Variants in FGD4 observed in about 807,000 individuals in gnomAD.
FGD4 encodes FYVE, RhoGEF and PH domain-containing protein 4.
Under a neutral mutation model 102.0 loss-of-function variants are expected in FGD4, and 42 were observed. The ratio of observed to expected loss-of-function variants is 0.41; its 90% confidence interval spans 0.32 to 0.53. The LOEUF (loss-of-function observed/expected upper bound fraction) is 0.53, where lower values mean the gene tolerates loss of function less well. Ranked by LOEUF, FGD4 falls within the 20% of genes least tolerant of loss-of-function variation. The pLI is 0.21. For synonymous variants in FGD4, 380 were observed against 375.7 expected, an observed-to-expected ratio of 1.01 and a Z score of -0.13; for missense variants, 902 against 1,078.2, an observed-to-expected ratio of 0.84 and a Z score of 2.29.
intron 1 of FGD4, among the ~76,000 whole-genome samples, chr12:32,507,929 T>C (rs949779738): frequency 7.9e-5 from 12 of 152,208 alleles, no homozygotes; most frequent in African/African-American, 2.9e-4. Context: ...AGTGAAAGCT[T>C]GGTAGGACTA....
At chr12:32,497,366 T>C (rs2136603731) in intron 1 of FGD4, among the ~76,000 whole-genome samples, 1 of 152,290 alleles carries the variant, frequency 6.6e-6, no homozygotes, top group East Asian at 1.9e-4. Context: ...TGAAACGAAT[T>C]ATAAAAACCC....
chr12:32,497,936 T>C (rs959392161), intron 1 of FGD4, among the ~76,000 whole-genome samples: 3 of 152,222 alleles, frequency 2.0e-5, no homozygotes, highest in Non-Finnish European at 4.4e-5. Flanking sequence ...TCAGTGAGAC[T>C]CTCCTCTAAC....
intron 1 of FGD4, among the ~76,000 whole-genome samples, chr12:32,545,527 A>G (rs750292671): frequency 6.6e-6 from 1 of 152,262 alleles, no homozygotes; most frequent in Non-Finnish European, 1.5e-5. Flanking sequence ...CTACTAACAT[A>G]GTAAAAAGCA....
At chr12:32,635,198 C>T (rs954895703) in intron 15 of FGD4, among the ~76,000 whole-genome samples, 2 of 152,102 alleles carry the variant, frequency 1.3e-5, no homozygotes, top group African/African-American at 4.8e-5. Context: ...GTATGGCCTA[C>T]CAAACTGGGG....
rs770560590 is a variant in FGD4, at chr12:32,422,288, C to CTTTTTTTTTTTT, written c.166+22346_166+22357dup. 1.4e-3 allele frequency among the ~76,000 whole-genome samples: 75 copies of CTTTTTTTTTTTT among 54,172 alleles called. 16 individuals carry two copies. Among genetic ancestry groups the CTTTTTTTTTTTT allele is most frequent in the Non-Finnish European group, 1.5e-3 (45 of 30,240 alleles). The allele number at this position is 54,172 out of a possible 152,430, so 35.5% of individuals were successfully genotyped here. A position where few individuals can be genotyped will look rare whatever the true frequency, so the allele number is the denominator to read the frequency against. On this transcript the variant is annotated intron_variant, in intron 1 of 16. Coordinates refer to ENST00000534526, the MANE Select transcript of FGD4 (RefSeq NM_001370298.3). Reference sequence around the variant, plus strand: ...TTGAAGCATCTCAAATTGGGAGCTGCTTTTTTTTTTTTTTTTTTTTTTTTT... The same window carrying CTTTTTTTTTTTT: ...TTGAAGCATCTCAAATTGGGAGCTGCTTTTTTTTTTTTTTTTTTTTTTTTTTTTTTTTTTTTT...
chr12:32,561,237 C>A (rs1286078222), intron 1 of FGD4, among the ~76,000 whole-genome samples: 1 of 151,734 alleles, frequency 6.6e-6, no homozygotes, highest in Admixed American at 6.6e-5. Flanking sequence ...CAGGCGCCCA[C>A]CACCACATCT....
At chr12:32,554,187 A>G (rs966038109) in intron 1 of FGD4, among the ~76,000 whole-genome samples, 4 of 152,226 alleles carry the variant, frequency 2.6e-5, no homozygotes, top group Non-Finnish European at 4.4e-5. Flanking sequence ...GGAGAGTTCT[A>G]CAATTCCAGA....
intron 1 of FGD4, among the ~76,000 whole-genome samples, chr12:32,481,215 G>A (rs1943755280): frequency 6.7e-6 from 1 of 149,874 alleles, no homozygotes; most frequent in Non-Finnish European, 1.5e-5. Flanking sequence ...GATGCGGTTG[G>A]ATCATGAGGT....
At chr12:32,639,593 C>T (rs897692777) in intron 16 of FGD4, among the ~76,000 whole-genome samples, 3 of 152,108 alleles carry the variant, frequency 2.0e-5, no homozygotes, top group African/African-American at 7.2e-5. Context: ...GAGAACCCCA[C>T]GTATATGGAT....
rs2137119623 is a variant in FGD4 at position 32,643,880 on chromosome 12, A to C, written c.*3347A>C. 6.6e-6 allele frequency: 1 copy of C among 152,166 alleles called. No individual in the cohort carries two copies. The highest frequency in any genetic ancestry group is 2.1e-4 in the South Asian group (1 of 4,826). The allele number at this position is 152,166 out of a possible 1,614,324, so 9.4% of individuals were successfully genotyped here. A position where few individuals can be genotyped will look rare whatever the true frequency, so the allele number is the denominator to read the frequency against. ...TTTATTTGTTTTCTGGTTATATTCA[A>C]AGCCTTAAGTTCTTAATCTGAGCAT... is the stretch of plus-strand genomic sequence containing the variant. On this transcript the variant is annotated 3_prime_UTR_variant, in exon 17 of 17. Transcript: ENST00000534526.
chr12:32,539,526 G>A (rs1037371523), intron 1 of FGD4, among the ~76,000 whole-genome samples: 5 of 151,408 alleles, frequency 3.3e-5, no homozygotes, highest in East Asian at 1.9e-4. Flanking sequence ...CTGAGATCGC[G>A]CCATTGCACT....
chr12:32,627,122 C>T (rs1363012994), intron 14 of FGD4, among the ~76,000 whole-genome samples: 2 of 149,034 alleles, frequency 1.3e-5, no homozygotes, highest in Non-Finnish European at 3.0e-5. Context: ...TGCTGGGTTA[C>T]AGGCGTGAGC....
intron 1 of FGD4, among the ~76,000 whole-genome samples, chr12:32,525,549 C>G (rs1040206680): frequency 2.6e-5 from 4 of 152,258 alleles, no homozygotes; most frequent in African/African-American, 7.2e-5. Context: ...AGCACCTCCC[C>G]TGCCTGGGCT....
chr12:32,609,688 A>T (rs1949020925), intron 8 of FGD4, among the ~76,000 whole-genome samples: 1 of 105,188 alleles, frequency 9.5e-6, no homozygotes, highest in African/African-American at 5.5e-5. Flanking sequence ...AAATCACAGA[A>T]GAAGGGCTTT....
rs751377618 is a variant in FGD4, at chr12:32,519,119, GAA to G, written c.167-44996_167-44995del. ...CAACAAAAGCAAAACTCCGTCTCAG[GAA>G]AAAAAAAAAAAAAAAAAAAAAGCCT... On this transcript the variant is annotated intron_variant, in intron 1 of 16. Coordinates refer to ENST00000534526, the MANE Select transcript of FGD4 (RefSeq NM_001370298.3). 1.5e-3 allele frequency among the ~76,000 whole-genome samples: 109 copies of G among 73,414 alleles called. 1 individual carries two copies. Among genetic ancestry groups the G allele is most frequent in the African/African-American group, 4.8e-3 (94 of 19,628 alleles). The allele number at this position is 73,414 out of a possible 152,430, so 48.2% of individuals were successfully genotyped here. A position where few individuals can be genotyped will look rare whatever the true frequency, so the allele number is the denominator to read the frequency against.
chr12:32,445,449 A>T (rs970292972), intron 1 of FGD4, among the ~76,000 whole-genome samples: 1 of 152,162 alleles, frequency 6.6e-6, no homozygotes, highest in African/African-American at 2.4e-5. Flanking sequence ...TTAGGTTGCA[A>T]ATTGGGGATT....
At chr12:32,582,534 T>G in intron 4 of FGD4, 67 bp downstream of exon 4, 1 of 1,585,596 alleles carries the variant, frequency 6.3e-7, no homozygotes, top group South Asian at 1.1e-5. Flanking sequence ...TTAAAACTCT[T>G]TATTTATTGC....
intron 15 of FGD4, among the ~76,000 whole-genome samples, chr12:32,634,123 T>G (rs1950655728): frequency 6.6e-6 from 1 of 152,238 alleles, no homozygotes; most frequent in Non-Finnish European, 1.5e-5. Flanking sequence ...CTTTTGGGAT[T>G]CTGCTTGGTT....
intron 1 of FGD4, among the ~76,000 whole-genome samples, chr12:32,459,230 A>G (rs1459107763): frequency 8.0e-6 from 1 of 125,300 alleles, no homozygotes; most frequent in Non-Finnish European, 1.6e-5. Context: ...CTCTCGCTCT[A>G]TCACCCAGGC....
Sources: allele counts gnomAD v4.1 joint callset (sites outside exome capture counted in the v4.1 genomes callset), GRCh38; gene constraint gnomAD v4.1.1; transcripts MANE v1.5; gene names NCBI Gene and HGNC (gene_info 2026-07-23, HGNC 2026-07-21).